The following ARHGAP32 variants were observed in gnomAD, a reference collection of about 807,000 sequenced individuals.
ARHGAP32 encodes the protein Rho GTPase activating protein 32.
ARHGAP32 carries 51 observed loss-of-function variants against 186.5 expected under a neutral mutation model. That is an observed-to-expected ratio of 0.27 (90% CI 0.22 to 0.35). The LOEUF is 0.35. Among genes scored for constraint, ARHGAP32 ranks in the 10% least tolerant of loss-of-function variants. ARHGAP32 has a pLI of 1.00. For synonymous variants in ARHGAP32, 950 were observed against 964.3 expected (o/e 0.99, Z 0.27); for missense variants, 2,186 against 2,623.5 (o/e 0.83, Z 3.64).
intron 5 of ARHGAP32, among the ~76,000 whole-genome samples, chr11:129,120,841 G>A (rs1942510500): frequency 6.6e-6 from 1 of 152,034 alleles, no homozygotes; most frequent in Admixed American, 6.6e-5. Context: ...CCCAGAATTG[G>A]TACATATTAA....
chr11:129,273,935 T>C (rs1307578994), intron 1 of ARHGAP32, among the ~76,000 whole-genome samples: 5 of 152,046 alleles, frequency 3.3e-5, no homozygotes, highest in Non-Finnish European at 5.9e-5. Context: ...CTCTCAATGC[T>C]TTCCATCTCC....
At chr11:129,219,729 T>C (rs1316542664) in intron 1 of ARHGAP32, among the ~76,000 whole-genome samples, 1 of 152,166 alleles carries the variant, frequency 6.6e-6, no homozygotes, top group Non-Finnish European at 1.5e-5. Flanking sequence ...ACTTCTTGCC[T>C]GACGCTTTCA....
At chr11:129,037,545 C>A (rs1939399462) in intron 11 of ARHGAP32, among the ~76,000 whole-genome samples, 1 of 151,828 alleles carries the variant, frequency 6.6e-6, no homozygotes, top group Admixed American at 6.6e-5. Context: ...TGAAAAACAT[C>A]CCTTGTTCAG....
At chr11:128,978,706 C>T (rs560634444) in intron 19 of ARHGAP32, 64 bp downstream of exon 19, 396 of 1,505,414 alleles carry the variant, frequency 2.6e-4, no homozygotes, top group Non-Finnish European at 3.4e-4. Flanking sequence ...ATGTGAAGAA[C>T]GTGCCCAGAA....
intron 1 of ARHGAP32, among the ~76,000 whole-genome samples, chr11:129,276,585 T>TGTAA (rs1249119860): frequency 6.6e-6 from 1 of 152,140 alleles, no homozygotes; most frequent in African/African-American, 2.4e-5. Flanking sequence ...TGATTAGAGG[T>TGTAA]GTAAGCCACC....
In ARHGAP32 at chr11:128,968,910, T is replaced by C. The variant is rs1945277503; in HGVS notation, c.6303A>G (p.Glu2101=). 1.3e-6 allele frequency: 2 copies of C among 1,509,820 alleles called. No homozygotes were observed. The highest frequency in any genetic ancestry group is 1.8e-6 in the Non-Finnish European group (2 of 1,124,488). 93.5% of individuals were successfully genotyped at this position (1,509,820 alleles called of 1,614,324 possible). Reference sequence around the variant, plus strand: ...TCAACTCTATTGCTCGCAGGGCTCATTCTGCATGGATCTGTGTTTCAGGAT... The same window carrying C: ...TCAACTCTATTGCTCGCAGGGCTCACTCTGCATGGATCTGTGTTTCAGGAT... ...LQHPETQIHA[E] The change falls in exon 23 of 23, where the codon GAA becomes GAG. Residue 2101 remains glutamate, a synonymous_variant. Transcript: ENST00000682385.
At chr11:129,215,514 T>C (rs1315929054) in intron 1 of ARHGAP32, among the ~76,000 whole-genome samples, 1 of 152,178 alleles carries the variant, frequency 6.6e-6, no homozygotes, top group Non-Finnish European at 1.5e-5. Context: ...ACATCAAGGT[T>C]TCAGCAGGGC....
chr11:129,216,479 C>T (rs919713231), intron 1 of ARHGAP32, among the ~76,000 whole-genome samples: 1 of 151,674 alleles, frequency 6.6e-6, no homozygotes, highest in African/African-American at 2.4e-5. Flanking sequence ...GTTAGGAGTT[C>T]GAGATCAGCC....
intron 2 of ARHGAP32, among the ~76,000 whole-genome samples, chr11:129,140,411 C>A (rs1049371582): frequency 1.3e-5 from 2 of 152,186 alleles, no homozygotes; most frequent in Non-Finnish European, 2.9e-5. Flanking sequence ...AATGGGTATT[C>A]TTTTAAGCCC....
At chr11:129,275,716 T>C (rs1565487436) in intron 1 of ARHGAP32, among the ~76,000 whole-genome samples, 2 of 152,256 alleles carry the variant, frequency 1.3e-5, no homozygotes, top group Admixed American at 1.3e-4. Flanking sequence ...TGAACGACTG[T>C]GTTCCTACAA....
chr11:129,187,337 A>G (rs2135546140), intron 1 of ARHGAP32, among the ~76,000 whole-genome samples: 1 of 151,244 alleles, frequency 6.6e-6, no homozygotes, highest in East Asian at 1.9e-4. Context: ...TCATGGACAC[A>G]GAGAGTAGAA....
chr11:129,112,458 AGTTT>A (rs1591625667), intron 5 of ARHGAP32, among the ~76,000 whole-genome samples: 2 of 151,664 alleles, frequency 1.3e-5, no homozygotes, highest in Non-Finnish European at 2.9e-5. Context: ...AGTTTTAGTT[AGTTT>A]GTTTTTTTTT....
At chr11:129,236,868 T>C (rs541432399) in intron 1 of ARHGAP32, among the ~76,000 whole-genome samples, 2 of 152,340 alleles carry the variant, frequency 1.3e-5, no homozygotes, top group South Asian at 4.1e-4. Context: ...CCATTCAGTA[T>C]AATGTTGGCT....
Position 129,073,698 on chromosome 11 carries a change from C to T in ARHGAP32, c.532-6830G>A, listed in dbSNP as rs566407728. Reference sequence around the variant, plus strand: ...CAATAATGACCGAGACACCAAATCACCAGTCCTGGAAGCTCAGAGAACATA... The same window carrying T: ...CAATAATGACCGAGACACCAAATCATCAGTCCTGGAAGCTCAGAGAACATA... On this transcript the variant is annotated intron_variant, in intron 6 of 22. Transcript: ENST00000682385. Among the ~76,000 whole-genome samples, 191 of 151,396 alleles carry T rather than the reference C, an allele frequency of 1.3e-3. 3 individuals are homozygous for T. The highest frequency in any genetic ancestry group is 4.4e-3 in the African/African-American group (180 of 41,272).
chr11:128,993,512 G>T (rs1036978733), intron 12 of ARHGAP32, among the ~76,000 whole-genome samples: 5 of 151,220 alleles, frequency 3.3e-5, no homozygotes, highest in African/African-American at 4.9e-5. Flanking sequence ...TCACAATTAT[G>T]TATATAATAT....
chr11:129,118,219 T>C lies in ARHGAP32; in HGVS notation c.444+5227A>G, dbSNP rs1023729858. On this transcript the variant is annotated intron_variant, in intron 5 of 22. Transcript: ENST00000682385. ...TTTCTCTAAAGCAGAGATTAAGTAG[T>C]ATATGTTGTGTAATATTAATATTTG... 7.6e-4 allele frequency among the ~76,000 whole-genome samples: 116 copies of C among 152,114 alleles called. 1 individual carries two copies. The highest frequency in any genetic ancestry group is 2.7e-3 in the African/African-American group (114 of 41,542).
rs549790490 is a variant in ARHGAP32, at chr11:129,272,784, A to G, written c.-5+6362T>C. Among the ~76,000 whole-genome samples the G allele has an allele frequency of 3.9e-5, 6 of 152,358 alleles. No homozygotes were observed. The East Asian group carries it at 1.2e-3, about 29-fold the overall frequency. ...GCAAGAAGAAATGAGATCCAGGCAC[A>G]AATGTACTGCCTCAGGAACAAGCTC... On this transcript the variant is annotated intron_variant, in intron 1 of 6. Coordinates refer to the ARHGAP32 transcript ENST00000525234.
chr11:129,141,393 G>A lies in ARHGAP32; in HGVS notation c.226-16499C>T, dbSNP rs553181868. ...AGGGACAGAAAACCAAACACTGCAT[G>A]TTCTCACTTATAGGTGGGAATTGAA... On this transcript the variant is annotated intron_variant, in intron 2 of 22. Coordinates refer to ENST00000682385, the MANE Select transcript of ARHGAP32 (RefSeq NM_001378024.1). 8.5e-5 allele frequency among the ~76,000 whole-genome samples: 13 copies of A among 152,174 alleles called. No individual in the cohort carries two copies. In the South Asian group the frequency reaches 2.7e-3, roughly 32 times the overall value.
At chr11:129,101,216 CA>C (rs1156466380) in intron 5 of ARHGAP32, among the ~76,000 whole-genome samples, 41 of 152,086 alleles carry the variant, frequency 2.7e-4, no homozygotes, top group Admixed American at 2.7e-3. Context: ...AAAAAACATC[CA>C]AAGGCCAGCA....
Sources: allele counts gnomAD v4.1 joint callset (sites outside exome capture counted in the v4.1 genomes callset), GRCh38; gene constraint gnomAD v4.1.1; transcripts MANE v1.5; gene names NCBI Gene and HGNC (gene_info 2026-07-23, HGNC 2026-07-21).